Variants in LIMS2 observed in about 807,000 individuals in gnomAD.
The protein encoded by LIMS2 is LIM and senescent cell antigen-like-containing domain protein 2.
Under a neutral mutation model 45.3 loss-of-function variants are expected in LIMS2, and 30 were observed. The observed-to-expected ratio is 0.66, with a 90% CI of 0.50 to 0.90. LIMS2 has a LOEUF of 0.90. Ranked by LOEUF, LIMS2 falls within the 40% of genes least tolerant of loss-of-function variation. The pLI is 0.00. For synonymous variants in LIMS2, 173 were observed against 188.0 expected (o/e 0.92, Z 0.65); for missense variants, 485 against 468.7 (o/e 1.03, Z -0.32).
chr2:127,642,294 G>A lies in LIMS2; in HGVS notation c.510-95C>T. The stretch of plus-strand genomic sequence containing the variant: ...ACCCCAGGGCACGGCTCCCCGAGGG[G>A]CCCATTCTGTCCCTGCAGAGCCGAG... On this transcript the variant is annotated intron_variant, in intron 5 of 9. Transcript: ENST00000355119. This position sits in a 1 kb window ranked among gnomAD's most constrained non-coding sequence, Gnocchi z 5.3. 1 of 1,359,100 alleles carries A rather than the reference G, an allele frequency of 7.4e-7. No homozygotes were observed. The highest frequency in any genetic ancestry group is 9.7e-7 in the Non-Finnish European group (1 of 1,032,204). The allele number at this position is 1,359,100 out of a possible 1,614,324, so 84.2% of individuals were successfully genotyped here.
At chr2:127,660,528 A>T (rs1296026433) in intron 1 of LIMS2, among the ~76,000 whole-genome samples, 45 of 152,252 alleles carry the variant, frequency 3.0e-4, no homozygotes, top group Admixed American at 2.9e-3. Context: ...CACCTTTAAG[A>T]ACTGTAACAC....
chr2:127,661,748 C>T (rs1319519822), intron 1 of LIMS2, among the ~76,000 whole-genome samples: 2 of 152,188 alleles, frequency 1.3e-5, no homozygotes, highest in African/African-American at 4.8e-5. Flanking sequence ...TGCAAGATGT[C>T]CCTGAGTCTG....
chr2:127,640,466 AGGGCAC>A, intron 7 of LIMS2, 148 bp from the exon 8 acceptor site: 1 of 818,116 alleles, frequency 1.2e-6, no homozygotes, highest in Middle Eastern at 3.6e-4. Context: ...GGCTGGGTTG[AGGGCAC>A]GGCAACCCAT....
At chr2:127,657,638 C>A in intron 1 of LIMS2, 76 bp from the exon 2 acceptor site, 2 of 1,415,334 alleles carry the variant, frequency 1.4e-6, no homozygotes, top group South Asian at 2.7e-5. Context: ...GGCCTGCGCC[C>A]GACAGACACA....
upstream of LIMS2, among the ~76,000 whole-genome samples, chr2:127,676,973 G>A (rs1316584092): frequency 6.6e-6 from 1 of 152,192 alleles, no homozygotes; most frequent in Non-Finnish European, 1.5e-5. Context: ...AAGCCTCCCT[G>A]CATATGATAG....
intron 4 of LIMS2, chr2:127,648,346 C>T (rs2243934): frequency 0.063 from 18,928 of 298,850 alleles, 693 homozygotes; most frequent in East Asian, 0.11. Flanking sequence ...GTTGCCCTCC[C>T]CTTTGCTTGA....
intron 4 of LIMS2, chr2:127,648,292 G>A (rs915431868): frequency 1.7e-5 from 11 of 649,600 alleles, no homozygotes; most frequent in African/African-American, 9.8e-5. Flanking sequence ...TTCAGGTAGG[G>A]GAACCTGCCT....
chr2:127,666,005 C>CTTT (rs999051773), intron 1 of LIMS2, among the ~76,000 whole-genome samples: 5 of 152,162 alleles, frequency 3.3e-5, no homozygotes, highest in Non-Finnish European at 7.4e-5. Context: ...TTGAGAGAGG[C>CTTT]TTAGAGTCTG....
intron 1 of LIMS2, among the ~76,000 whole-genome samples, chr2:127,662,618 A>G (rs910627030): frequency 1.8e-5 from 2 of 110,788 alleles, no homozygotes; most frequent in Non-Finnish European, 3.5e-5. Context: ...ATCACACACC[A>G]GAGGCTCTTG....
chr2:127,665,190 A>G (rs1213542405), intron 1 of LIMS2, among the ~76,000 whole-genome samples: 1 of 152,184 alleles, frequency 6.6e-6, no homozygotes, highest in Non-Finnish European at 1.5e-5. Flanking sequence ...CAGCAGTACA[A>G]TAAAGATCCA....
At chr2:127,643,196 C>T (rs1383634714) in intron 4 of LIMS2, 124 bp from the exon 5 acceptor site, 13 of 1,093,588 alleles carry the variant, frequency 1.2e-5, no homozygotes, top group Non-Finnish European at 1.7e-5. Flanking sequence ...AGGGGCTCAG[C>T]CCAGGGTATG....
Position 127,642,123 on chromosome 2 carries a change from G to T in LIMS2, c.586C>A (p.Pro196Thr). The T allele has an allele frequency of 1.9e-6, 3 of 1,607,414 alleles. No homozygotes were observed. The highest frequency in any genetic ancestry group is 2.5e-6 in the Non-Finnish European group (3 of 1,176,872). The stretch of plus-strand genomic sequence containing the variant: ...GGCCGGCGGCAGGCCCCGCAGATGG[G>T]GACGCCCATCTTGTCATGGCAGGGC... ...CLPCHDKMGV[P>T]ICGACRRPIE... is the part of the protein sequence containing the mutation. The change falls in exon 6 of 10, where the codon CCC becomes ACC. Residue 196 changes from proline to threonine, a missense_variant. By Grantham distance (38) the Pro-to-Thr change is conservative. Transcript: ENST00000355119. This position sits in a 1 kb window ranked among gnomAD's most constrained non-coding sequence, Gnocchi z 5.3.
chr2:127,648,487 C>T (rs774015847), intron 4 of LIMS2, among the ~76,000 whole-genome samples: 37 of 152,158 alleles, frequency 2.4e-4, no homozygotes, highest in Non-Finnish European at 4.4e-4. Flanking sequence ...ACCATGCCTG[C>T]TTCTCCTCCA....
intron 4 of LIMS2, chr2:127,651,070 A>G: frequency 6.2e-7 from 1 of 1,613,624 alleles, no homozygotes. Flanking sequence ...TTCCTCTTCT[A>G]CCTCAACATG....
Position 127,639,366 on chromosome 2 carries a change from A to T in LIMS2, c.941T>A (p.Leu314Gln). 6.2e-7 allele frequency: 1 copy of T among 1,613,990 alleles called. No homozygotes were observed. The highest frequency in any genetic ancestry group is 1.1e-5 in the South Asian group (1 of 91,088). ...VCKRCYEKFP[L>Q]ELKKRLKKLS... The stretch of plus-strand genomic sequence containing the variant: ...CTTCTTCAGCCGCTTCTTCAGCTCC[A>T]GCGGGAACTTCTCGTAGCACCTCTT... Residue 314 changes from leucine to glutamine, a missense_variant, in exon 10 of 10, where the codon CTG becomes CAG. Physicochemically the swap from Leu to Gln is moderately radical, Grantham distance 113. Coordinates refer to ENST00000355119, the MANE Select transcript of LIMS2 (RefSeq NM_001161403.3).
At position 127,653,113 on chromosome 2, in the gene LIMS2, A is replaced by T. The variant is rs1050657447; in HGVS notation, c.359+1311T>A. ...TTAGACAAGCTGCTCAATGCCAGGC[A>T]CCGCCCAGCTCCGAGGACAGTGGGC... On this transcript the variant is annotated intron_variant, in intron 4 of 9. Coordinates refer to ENST00000355119, the MANE Select transcript of LIMS2 (RefSeq NM_001161403.3). The surrounding 1 kb of genome is among the most constrained non-coding windows in gnomAD (Gnocchi z 5.3). Among the ~76,000 whole-genome samples, 1 of 152,068 alleles carries T rather than the reference A, an allele frequency of 6.6e-6. No individual in the cohort carries two copies. Among genetic ancestry groups the T allele is most frequent in the Non-Finnish European group, 1.5e-5 (1 of 68,030 alleles).
chr2:127,664,383 C>T lies in LIMS2; in HGVS notation c.12-6821G>A, dbSNP rs540427756. On this transcript the variant is annotated intron_variant, in intron 1 of 9. Coordinates refer to ENST00000355119, the MANE Select transcript of LIMS2 (RefSeq NM_001161403.3). The surrounding 1 kb of genome is among the most constrained non-coding windows in gnomAD (Gnocchi z 5.5). ...ACGCGGCCAGCGCACCCAGCCGGGCCGCCATGGCGCGGGGCAGCCGCCTTG... is the reference window on the plus strand; with the variant it reads ...ACGCGGCCAGCGCACCCAGCCGGGCTGCCATGGCGCGGGGCAGCCGCCTTG... 1.2e-5 allele frequency: 14 copies of T among 1,209,152 alleles called. No homozygotes were observed. In the African/African-American group the frequency reaches 2.0e-4, roughly 18 times the overall value. 74.9% of individuals were successfully genotyped at this position (1,209,152 alleles called of 1,614,324 possible).
rs1558886314 is a variant in LIMS2, at chr2:127,653,560, C to A, written c.359+864G>T. On this transcript the variant is annotated intron_variant, in intron 4 of 9. Transcript: ENST00000355119. This position sits in a 1 kb window ranked among gnomAD's most constrained non-coding sequence, Gnocchi z 5.3. ...GCCGGGCACGGAGCCCCAGACGACT[C>A]CCCATGGAGAGACAGGGAGAAAGGT... Among the ~76,000 whole-genome samples, 1 of 152,148 alleles carries A rather than the reference C, an allele frequency of 6.6e-6. No individual in the cohort carries two copies. The highest frequency in any genetic ancestry group is 6.5e-5 in the Admixed American group (1 of 15,270).
intron 4 of LIMS2, chr2:127,650,890 C>T (rs1295371229): frequency 5.0e-6 from 8 of 1,613,988 alleles, no homozygotes; most frequent in Middle Eastern, 1.6e-4. Context: ...AATACCCTGG[C>T]TCTGTGGCTT....
Sources: allele counts gnomAD v4.1 joint callset (sites outside exome capture counted in the v4.1 genomes callset), GRCh38; gene constraint gnomAD v4.1.1; non-coding constraint Gnocchi (gnomAD v3.1); transcripts MANE v1.5; gene names NCBI Gene and HGNC (gene_info 2026-07-23, HGNC 2026-07-21).